The following HPS4 variants were observed in gnomAD, a reference collection of about 807,000 sequenced individuals.
HPS4 encodes HPS4 biogenesis of lysosomal organelles complex 3 subunit 2.
Under a neutral mutation model 70.3 loss-of-function variants are expected in HPS4, and 44 were observed. That is an observed-to-expected ratio of 0.63 (90% CI 0.49 to 0.80). The LOEUF is 0.80. HPS4 is among the 30% of genes least tolerant of loss of function. The pLI is 0.00. For synonymous variants in HPS4, 377 were observed against 355.9 expected (o/e 1.06, Z -0.67); for missense variants, 873 against 884.4 (o/e 0.99, Z 0.16).
chr22:26,480,334 G>C (rs1452158775), intron 2 of HPS4, among the ~76,000 whole-genome samples: 1 of 152,030 alleles, frequency 6.6e-6, no homozygotes, highest in African/African-American at 2.4e-5. Flanking sequence ...ATCATGCTCG[G>C]CTATTTTTTT....
chr22:26,461,477 G>A (rs1000232053), intron 11 of HPS4, among the ~76,000 whole-genome samples: 2 of 151,922 alleles, frequency 1.3e-5, no homozygotes, highest in African/African-American at 2.4e-5. Flanking sequence ...TCCACCCAGG[G>A]CTCCTTTCAC....
intron 3 of HPS4, 66 bp from the exon 4 acceptor site, chr22:26,477,202 A>C: frequency 2.6e-6 from 4 of 1,565,856 alleles, no homozygotes; most frequent in Non-Finnish European, 3.5e-6. Context: ...CATTTCTTAC[A>C]GCATACTAAA....
downstream of HPS4, among the ~76,000 whole-genome samples, chr22:26,447,871 G>A (rs571680777): frequency 7.9e-5 from 12 of 151,984 alleles, no homozygotes; most frequent in African/African-American, 1.9e-4. Flanking sequence ...ATATCTCCCC[G>A]CTTCCCATAC....
intron 2 of HPS4, 117 bp downstream of exon 2, chr22:26,481,605 C>A: frequency 1.0e-6 from 1 of 967,868 alleles, no homozygotes; most frequent in Non-Finnish European, 1.7e-6. Context: ...AGGAAAATGG[C>A]ATTTTTATTG....
chr22:26,480,776 G>C (rs1266940162), intron 2 of HPS4, among the ~76,000 whole-genome samples: 1 of 152,054 alleles, frequency 6.6e-6, no homozygotes, highest in East Asian at 1.9e-4. Context: ...AAATTAGCCA[G>C]GCATGGTGGG....
downstream of HPS4, among the ~76,000 whole-genome samples, chr22:26,450,314 C>T (rs1192922643): frequency 6.6e-6 from 1 of 152,184 alleles, no homozygotes; most frequent in Non-Finnish European, 1.5e-5. Context: ...TCACCCACCC[C>T]GAGCAGGGCG....
At chr22:26,466,196 CAAGAGGCA>C (rs764161512) in intron 9 of HPS4, 22 bp downstream of exon 9, 2 of 1,613,964 alleles carry the variant, frequency 1.2e-6, no homozygotes, top group Non-Finnish European at 1.7e-6. Flanking sequence ...CCGCCGTTCT[CAAGAGGCA>C]ACCATGCGCC....
Position 26,452,017 on chromosome 22 carries a change from CA to C in HPS4, c.*1215del. On this transcript the variant is annotated 3_prime_UTR_variant, in exon 14 of 14. Coordinates refer to ENST00000398145, the MANE Select transcript of HPS4 (RefSeq NM_022081.6). Reference sequence around the variant, plus strand: ...GCGCGCGCGCGCGCACACACACACACACACACACACACACACACACACACAC... The same window carrying C: ...GCGCGCGCGCGCGCACACACACACACCACACACACACACACACACACACAC... 1 of 261,428 alleles carries C rather than the reference CA, an allele frequency of 3.8e-6. No individual in the cohort carries two copies. The highest frequency in any genetic ancestry group is 2.4e-5 in the African/African-American group (1 of 41,372). The allele number at this position is 261,428 out of a possible 1,614,324, so 16.2% of individuals were successfully genotyped here. A position where few individuals can be genotyped will look rare whatever the true frequency, so the allele number is the denominator to read the frequency against.
intron 13 of HPS4, 112 bp from the exon 14 acceptor site, chr22:26,453,516 C>T: frequency 1.8e-6 from 2 of 1,111,500 alleles, no homozygotes; most frequent in South Asian, 2.5e-5. Context: ...CCCAATGTGG[C>T]ATGTGCAGCT....
downstream of HPS4, among the ~76,000 whole-genome samples, chr22:26,446,045 C>T (rs367880266): frequency 3.9e-5 from 6 of 152,238 alleles, no homozygotes; most frequent in African/African-American, 1.2e-4. Context: ...CCTGGGATCG[C>T]GATGTTTCTC....
chr22:26,464,098 C>T lies in HPS4; in HGVS notation c.1532G>A (p.Gly511Asp), dbSNP rs1449177190. 3.1e-6 allele frequency: 5 copies of T among 1,614,254 alleles called. No individual in the cohort carries two copies. The highest frequency in any genetic ancestry group is 4.2e-6 in the Non-Finnish European group (5 of 1,180,046). The stretch of plus-strand genomic sequence containing the variant: ...GCCAGCACCCTGACAGTTTGCTGAG[C>T]CTGAACTGCATTCCAGACCAGGGGC... ...HAAPGLECSS[G>D]SANCQGAGPS... Residue 511 changes from glycine to aspartate, a missense_variant, in exon 11 of 14, where the codon GGC becomes GAC. Coordinates refer to ENST00000398145, the MANE Select transcript of HPS4 (RefSeq NM_022081.6).
Position 26,451,089 on chromosome 22 carries a change from G to T in HPS4, c.*2144C>A, listed in dbSNP as rs1224423490. Among the ~76,000 whole-genome samples the T allele has an allele frequency of 6.6e-6, 1 of 152,196 alleles. No homozygotes were observed. Among genetic ancestry groups the T allele is most frequent in the Admixed American group, 6.5e-5 (1 of 15,276 alleles). On this transcript the variant is annotated 3_prime_UTR_variant, in exon 14 of 14. Coordinates refer to ENST00000398145, the MANE Select transcript of HPS4 (RefSeq NM_022081.6). ...CCTGGATCACTGACAGTGGCACTCG[G>T]TGTCAACTAGGAGTCCAGGGTGGGC...
At position 26,471,445 on chromosome 22, in the gene HPS4, A is replaced by G. The variant is rs2089792926; in HGVS notation, c.502-632T>C. ...TCAGGAAGAGCCAGCAATAACCAGCAGCCTCCTCAGACTTCCACCTGCCAG... is the reference window on the plus strand; with the variant it reads ...TCAGGAAGAGCCAGCAATAACCAGCGGCCTCCTCAGACTTCCACCTGCCAG... On this transcript the variant is annotated intron_variant, in intron 6 of 13. Transcript: ENST00000398145. 4.4e-6 allele frequency: 2 copies of G among 454,052 alleles called. 1 individual carries two copies. Among genetic ancestry groups the G allele is most frequent in the South Asian group, 3.1e-5 (2 of 64,246 alleles). 28.1% of individuals were successfully genotyped at this position (454,052 alleles called of 1,614,324 possible).
At chr22:26,445,517 T>C (rs935883228) in intron 3 of HPS4, among the ~76,000 whole-genome samples, 2 of 152,070 alleles carry the variant, frequency 1.3e-5, no homozygotes, top group Admixed American at 6.6e-5. Context: ...TAAGGAGCAA[T>C]AGATGTCTAA....
chr22:26,469,015 C>T (rs966673803), intron 7 of HPS4, among the ~76,000 whole-genome samples: 10 of 152,172 alleles, frequency 6.6e-5, no homozygotes, highest in South Asian at 2.1e-4. Context: ...TCACTGTATG[C>T]GTTGAGAAAC....
At position 26,451,465 on chromosome 22, in the gene HPS4, G is replaced by T. The variant is rs1020085529; in HGVS notation, c.*1768C>A. 2 of 152,194 alleles carry T rather than the reference G, an allele frequency of 1.3e-5. No individual in the cohort carries two copies. The highest frequency in any genetic ancestry group is 2.9e-5 in the Non-Finnish European group (2 of 68,048). The allele number at this position is 152,194 out of a possible 1,614,324, so 9.4% of individuals were successfully genotyped here. On this transcript the variant is annotated 3_prime_UTR_variant, in exon 14 of 14. Coordinates refer to ENST00000398145, the MANE Select transcript of HPS4 (RefSeq NM_022081.6). ...GCAGGATCAAAGGAGGAAAGAAAGG[G>T]GCACACCTGCAAAGTGAAGTTTCAG...
chr22:26,473,686 C>T (rs528767857), intron 4 of HPS4, among the ~76,000 whole-genome samples: 224 of 151,792 alleles, frequency 1.5e-3, no homozygotes, highest in Middle Eastern at 6.8e-3. Context: ...GAGGTTGCAG[C>T]GAGCCGAGAT....
chr22:26,475,073 T>C (rs1388882662), intron 4 of HPS4, among the ~76,000 whole-genome samples: 1 of 152,236 alleles, frequency 6.6e-6, no homozygotes, highest in Non-Finnish European at 1.5e-5. Flanking sequence ...ATTCCAGGAC[T>C]GGATATTTAC....
chr22:26,483,642 G>C (rs2091556763), intron 1 of HPS4, 32 bp downstream of exon 1: 2 of 350,400 alleles, frequency 5.7e-6, no homozygotes, highest in African/African-American at 2.1e-5. Flanking sequence ...CCGCCCCTCG[G>C]TATCCCCGCG....
Sources: gnomAD v4.1 joint callset for allele counts (sites outside exome capture counted in the v4.1 genomes callset) on GRCh38, gnomAD v4.1.1 for gene constraint, MANE v1.5 for transcripts, NCBI Gene and HGNC (gene_info 2026-07-23, HGNC 2026-07-21) for gene names.